Variants in TENM3 observed in about 807,000 individuals in gnomAD.
TENM3 encodes teneurin transmembrane protein 3.
A neutral mutation model predicts 255.1 loss-of-function variants in TENM3; 63 were observed. The ratio of observed to expected loss-of-function variants is 0.25; its 90% CI spans 0.20 to 0.30. The LOEUF (loss-of-function observed/expected upper bound fraction) is 0.30, where lower values mean the gene tolerates loss of function less well. Among genes scored for constraint, TENM3 ranks in the 10% least tolerant of loss-of-function variants. The pLI, the probability that TENM3 is intolerant of heterozygous loss-of-function variation, is 1.00. For synonymous variants in TENM3, 1,306 were observed against 1,322.3 expected (o/e 0.99, Z 0.27); for missense variants, 2,929 against 3,461.1 (o/e 0.85, Z 3.86).
At chr4:182,334,350 T>TC (rs1467786147) in intron 2 of TENM3, among the ~76,000 whole-genome samples, 1 of 152,138 alleles carries the variant, frequency 6.6e-6, no homozygotes, top group Non-Finnish European at 1.5e-5. Context: ...ATATTAATTC[T>TC]CCCCAAATTA....
intron 3 of TENM3, among the ~76,000 whole-genome samples, chr4:182,380,462 G>A (rs1416483815): frequency 6.6e-6 from 1 of 152,200 alleles, no homozygotes; most frequent in East Asian, 1.9e-4. Flanking sequence ...AGCAGCTAGT[G>A]CAGTGCCTGG....
chr4:181,757,361 G>A, the TENM3 span, among the ~76,000 whole-genome samples: 2 of 152,248 alleles, frequency 1.3e-5, no homozygotes, highest in East Asian at 3.9e-4. Context: ...CCCAGGGTCT[G>A]TATCATATGC....
At chr4:181,621,684 A>G in the TENM3 span, among the ~76,000 whole-genome samples, 29 of 152,328 alleles carry the variant, frequency 1.9e-4, no homozygotes, top group Middle Eastern at 0.014. Context: ...CTCAGAAGTC[A>G]GAATTGTATC....
the TENM3 span, among the ~76,000 whole-genome samples, chr4:181,618,787 C>G: frequency 1.3e-5 from 2 of 152,136 alleles, no homozygotes; most frequent in African/African-American, 2.4e-5. Context: ...TGGGGTGAAC[C>G]AGGTTCCCAC....
chr4:182,681,261 A>T (rs763131967), intron 10 of TENM3, among the ~76,000 whole-genome samples: 30 of 152,208 alleles, frequency 2.0e-4, no homozygotes, highest in Admixed American at 5.2e-4. Context: ...AATCAAATTG[A>T]TTTTATTGAT....
rs79195097 is a variant in TENM3 at position 182,680,513 on chromosome 4, G to A, written c.1640-30G>A. 0.1 allele frequency: 166,829 copies of A among 1,609,032 alleles called. 9,385 individuals are homozygous for A. The highest frequency in any genetic ancestry group is 0.14 in the Admixed American group (8,050 of 59,042). On this transcript the variant is annotated intron_variant, in intron 9 of 27. Transcript: ENST00000511685. ...CGGAAGCTCGGTGGAAAGTGTGGCT[G>A]TAATTCTTCTGTCGTGTCTTGTTTC... is the stretch of plus-strand genomic sequence containing the variant.
chr4:181,554,056 T>C, the TENM3 span, among the ~76,000 whole-genome samples: 1 of 152,146 alleles, frequency 6.6e-6, no homozygotes, highest in Non-Finnish European at 1.5e-5. Flanking sequence ...TATAGAAACC[T>C]AACCTAATGA....
chr4:181,611,389 TG>T, the TENM3 span, among the ~76,000 whole-genome samples: 1 of 152,224 alleles, frequency 6.6e-6, no homozygotes. Flanking sequence ...TTACCGACTG[TG>T]TCAATACCCT....
chr4:182,059,745 C>CAAAAAAAAAAAAAAAAAA, the TENM3 span, among the ~76,000 whole-genome samples: 2 of 43,150 alleles, frequency 4.6e-5, no homozygotes, highest in African/African-American at 9.6e-5. Context: ...TCTGTCTCTA[C>CAAAAAAAAAAAAAAAAAA]AAAAAAAAAA....
At chr4:182,162,089 G>T (rs1204639806) in intron 1 of TENM3, among the ~76,000 whole-genome samples, 1 of 149,840 alleles carries the variant, frequency 6.7e-6, no homozygotes, top group Non-Finnish European at 1.5e-5. Context: ...TTGCTATGTT[G>T]TGCAGGCTGT....
At chr4:182,259,810 A>G (rs1172393903) in intron 1 of TENM3, among the ~76,000 whole-genome samples, 1 of 152,192 alleles carries the variant, frequency 6.6e-6, no homozygotes, top group Non-Finnish European at 1.5e-5. Context: ...ACAATAGATT[A>G]CTGTAAACTA....
chr4:181,710,357 A>G, the TENM3 span, among the ~76,000 whole-genome samples: 1 of 152,152 alleles, frequency 6.6e-6, no homozygotes, highest in East Asian at 1.9e-4. Context: ...CGAGGACCAA[A>G]TAAGATGCAG....
rs35316767 is a variant in TENM3, at chr4:182,471,627, CTGTGTGTG to C, written c.511+124716_511+124723del. ...TTGAAATGTTATGTGGCACATGCCT[CTGTGTGTG>C]TGTGTGTGTGTGTGTGTAAGTATAT... On this transcript the variant is annotated intron_variant, in intron 3 of 27. Coordinates refer to ENST00000511685, the MANE Select transcript of TENM3 (RefSeq NM_001080477.4). Among the ~76,000 whole-genome samples, 5 of 149,818 alleles carry C rather than the reference CTGTGTGTG, an allele frequency of 3.3e-5. No individual in the cohort carries two copies. In the East Asian group the frequency reaches 7.8e-4, roughly 24 times the overall value.
At chr4:182,485,818 C>T (rs886391831) in intron 3 of TENM3, among the ~76,000 whole-genome samples, 4 of 152,098 alleles carry the variant, frequency 2.6e-5, no homozygotes, top group South Asian at 2.1e-4. Context: ...TGTTTATAGT[C>T]GATTCAGAAA....
chr4:182,376,951 G>A (rs1475869881), intron 3 of TENM3, among the ~76,000 whole-genome samples: 1 of 152,196 alleles, frequency 6.6e-6, no homozygotes, highest in African/African-American at 2.4e-5. Flanking sequence ...TTGGCACTGT[G>A]TAGTCAGAAT....
intron 3 of TENM3, among the ~76,000 whole-genome samples, chr4:182,453,390 G>C (rs1361618232): frequency 6.6e-6 from 1 of 152,082 alleles, no homozygotes; most frequent in Non-Finnish European, 1.5e-5. Flanking sequence ...TTAAATAATA[G>C]TTAAATTTGG....
chr4:182,012,824 A>G, the TENM3 span: 1 of 152,178 alleles, frequency 6.6e-6, no homozygotes, highest in African/African-American at 2.4e-5. Flanking sequence ...GAATAACTGT[A>G]AGGAAATACA....
chr4:182,196,125 C>T (rs1336735296), intron 1 of TENM3, among the ~76,000 whole-genome samples: 1 of 152,104 alleles, frequency 6.6e-6, no homozygotes, highest in African/African-American at 2.4e-5. Context: ...CTGCAGGACA[C>T]CAGGAGAAAA....
Position 182,329,121 on chromosome 4 carries a change from G to A in TENM3, c.232+4869G>A, listed in dbSNP as rs75616817. 4.5e-3 allele frequency among the ~76,000 whole-genome samples: 679 copies of A among 152,322 alleles called. 25 individuals carry two copies. In the East Asian group the frequency reaches 0.088, roughly 20 times the overall value. Reference sequence around the variant, plus strand: ...GGGCTCATCCACTCATCTCCCAGCAGACTCGCTACCTCCTGTGAGCTGAGC... The same window carrying A: ...GGGCTCATCCACTCATCTCCCAGCAAACTCGCTACCTCCTGTGAGCTGAGC... On this transcript the variant is annotated intron_variant, in intron 2 of 27. Coordinates refer to ENST00000511685, the MANE Select transcript of TENM3 (RefSeq NM_001080477.4).
Sources: gnomAD v4.1 joint callset for allele counts (sites outside exome capture counted in the v4.1 genomes callset) on GRCh38, gnomAD v4.1.1 for gene constraint, MANE v1.5 for transcripts, NCBI Gene and HGNC (gene_info 2026-07-23, HGNC 2026-07-21) for gene names.